ZNF394: variants seen among roughly 807,000 people sequenced by gnomAD.
ZNF394 encodes zinc finger protein 394.
Under a neutral mutation model 21.8 loss-of-function variants are expected in ZNF394, and 19 were observed. The observed-to-expected ratio is 0.87, with a 90% confidence interval of 0.61 to 1.28. The LOEUF (loss-of-function observed/expected upper bound fraction) is 1.28. Among genes scored for constraint, ZNF394 ranks in the 50% most tolerant of loss-of-function variants. The pLI is 0.00. For synonymous variants in ZNF394, 294 were observed against 273.3 expected (o/e 1.08, Z -0.75); for missense variants, 683 against 708.6 (o/e 0.96, Z 0.41).
Position 99,487,020 on chromosome 7 carries a change from G to T in ZNF394, n.84-57C>A, listed in dbSNP as rs768754181. ...GTGGAAAGTGTTTTCGGCAGCTCGC[G>T]TATCTTGTTGAACATAAGAGGATTC... On this transcript the variant is annotated intron_variant and non_coding_transcript_variant, in intron 1 of 1. Transcript: ENST00000462024. 40 of 1,613,824 alleles carry T rather than the reference G, an allele frequency of 2.5e-5. No homozygotes were observed. The South Asian group carries it at 4.4e-4, about 18-fold the overall frequency.
At chr7:99,490,843 T>C (rs1800147043), downstream of ZNF394, among the ~76,000 whole-genome samples, 1 of 151,932 alleles carries the variant, frequency 6.6e-6, no homozygotes, top group East Asian at 1.9e-4. Context: ...AGCGCAGCCA[T>C]CCTGAGATGG....
At chr7:99,490,023 T>C (rs1374077732), downstream of ZNF394, among the ~76,000 whole-genome samples, 1 of 151,612 alleles carries the variant, frequency 6.6e-6, no homozygotes, top group Non-Finnish European at 1.5e-5. Flanking sequence ...CAAACAAATA[T>C]TGCTCTCAGG....
chr7:99,499,567 C>A (rs985696603), intron 1 of ZNF394, 71 bp downstream of exon 1: 1 of 1,403,614 alleles, frequency 7.1e-7, no homozygotes, highest in East Asian at 2.3e-5. Flanking sequence ...AAGTAAGTTC[C>A]GAAACGCAGA....
intron 1 of ZNF394, chr7:99,487,248 TGGACAGTCCTTTGGTAGGAATGTG>T: frequency 6.2e-7 from 1 of 1,614,210 alleles, no homozygotes; most frequent in Non-Finnish European, 8.5e-7. Flanking sequence ...GCAGTGAATG[TGGACAGTCCTTTGGTAGGAATGTG>T]GATCTCATTC....
intron 2 of ZNF394, among the ~76,000 whole-genome samples, chr7:99,497,302 G>C (rs1253366630): frequency 6.6e-6 from 1 of 150,636 alleles, no homozygotes; most frequent in Non-Finnish European, 1.5e-5. Flanking sequence ...AGCCTCCCGA[G>C]TAGCTGGGAC....
downstream of ZNF394, among the ~76,000 whole-genome samples, chr7:99,489,987 A>G (rs1263269500): frequency 1.3e-5 from 2 of 151,662 alleles, no homozygotes; most frequent in African/African-American, 2.4e-5. Flanking sequence ...CCTGGGCGAC[A>G]GAGTGAGACC....
Position 99,494,401 on chromosome 7 carries a change from T to C in ZNF394, c.814A>G (p.Lys272Glu), listed in dbSNP as rs1011742042. The C allele has an allele frequency of 5.0e-6, 8 of 1,614,090 alleles. No individual in the cohort carries two copies. In the African/African-American group the frequency reaches 9.3e-5, roughly 19 times the overall value. Residue 272 changes from lysine (K) to glutamate (E), a missense_variant, in exon 3 of 3, where the codon AAG (lysine) becomes GAG (glutamate). Coordinates refer to ENST00000337673, the MANE Select transcript of ZNF394 (RefSeq NM_032164.4). The part of the protein sequence containing the change: ...EGLNSISDVN[K>E]NGSIEGEDSK... The stretch of plus-strand genomic sequence containing the variant: ...TCTTCCCCTTCTATGGAACCATTCT[T>C]ATTGACATCTGAGATGCTGTTGAGT...
At position 99,499,867 on chromosome 7, in the gene ZNF394, G is replaced by A. The variant is rs1169927932; in HGVS notation, c.227C>T (p.Ala76Val). The A allele has an allele frequency of 1.2e-6, 2 of 1,614,008 alleles. No individual in the cohort carries two copies. Among genetic ancestry groups the A allele is most frequent in the East Asian group, 2.2e-5 (1 of 44,894 alleles). ...CCGGCTCAGCGCCTCTTCCGGTCCA[G>A]CCACCTCCTGGTAACGCAGCTGCCT... ...HFRQLRYQEV[A>V]GPEEALSRLR... The change falls in exon 1 of 3, where the codon GCT becomes GTT. Residue 76 changes from alanine to valine, a missense_variant. By Grantham distance (64) the Ala-to-Val change is moderately conservative. This residue lies in a region of ZNF394 where 402 missense variants were observed against 373.8 expected (regional missense o/e 1.08). Transcript: ENST00000337673.
exon 2 of ZNF394, chr7:99,486,558 G>A (rs1799965742): frequency 1.2e-6 from 2 of 1,614,038 alleles, no homozygotes; most frequent in South Asian, 2.2e-5. Flanking sequence ...AGATATCAGT[G>A]GTAATGCAGG....
chr7:99,499,826 G>A lies in ZNF394; in HGVS notation c.268C>T (p.Arg90Cys). The change falls in exon 1 of 3, where the codon CGT becomes TGT. Residue 90 changes from arginine to cysteine, a missense_variant. Physicochemically the swap from Arg to Cys is radical, Grantham distance 180. Coordinates refer to ENST00000337673, the MANE Select transcript of ZNF394 (RefSeq NM_032164.4). ...EALSRLRELC[R>C]RWLRPELLSK... ...AGCAGCTCGGGTCTCAGCCACCGAC[G>A]ACAGAGTTCTCGGAGCCGGCTCAGC... The A allele has an allele frequency of 6.2e-7, 1 of 1,614,202 alleles. No homozygotes were observed. The highest frequency in any genetic ancestry group is 1.1e-5 in the South Asian group (1 of 91,088).
chr7:99,500,124 GTCT>G lies in ZNF394; in HGVS notation c.-34_-32del, dbSNP rs1183127543. Reference sequence around the variant, plus strand: ...TCCGGCATGTGCTGCCCTTCCTGGAGTCTTCTTTTCAGGTGAAGAAAGAGCAAA... The same window carrying G: ...TCCGGCATGTGCTGCCCTTCCTGGAGTCTTTTCAGGTGAAGAAAGAGCAAA... On this transcript the variant is annotated 5_prime_UTR_variant, in exon 1 of 3. Transcript: ENST00000337673. The G allele has an allele frequency of 1.3e-5, 19 of 1,512,692 alleles. No individual in the cohort carries two copies. Among genetic ancestry groups the G allele is most frequent in the East Asian group, 4.5e-5 (2 of 44,178 alleles). 93.7% of individuals were successfully genotyped at this position (1,512,692 alleles called of 1,614,324 possible). A position where few individuals can be genotyped will look rare whatever the true frequency, so the allele number is the denominator to read the frequency against.
At chr7:99,499,488 G>A in intron 1 of ZNF394, 150 bp downstream of exon 1, 1 of 673,812 alleles carries the variant, frequency 1.5e-6, no homozygotes, top group Non-Finnish European at 2.5e-6. Context: ...TTCCTGGATG[G>A]ATCTGTCACT....
rs772950215 is a variant in ZNF394 at position 99,494,671 on chromosome 7, G to A, written c.584-40C>T. The A allele has an allele frequency of 1.0e-5, 16 of 1,529,004 alleles. No individual in the cohort carries two copies. In the East Asian group the frequency reaches 3.6e-4, roughly 35 times the overall value. 94.7% of individuals were successfully genotyped at this position (1,529,004 alleles called of 1,614,324 possible). A position where few individuals can be genotyped will look rare whatever the true frequency, so the allele number is the denominator to read the frequency against. Reference sequence around the variant, plus strand: ...TACAAATTCCTGCCAGTGCATCCCTGTGCAACACAGAAATAAGCAAGTGCT... The same window carrying A: ...TACAAATTCCTGCCAGTGCATCCCTATGCAACACAGAAATAAGCAAGTGCT... On this transcript the variant is annotated intron_variant, in intron 2 of 2. Transcript: ENST00000337673.
chr7:99,494,006 CT>C lies in ZNF394; in HGVS notation c.1208del (p.Lys403SerfsTer15). On this transcript the variant is annotated frameshift_variant, in exon 3 of 3. Coordinates refer to ENST00000337673, the MANE Select transcript of ZNF394 (RefSeq NM_032164.4). LOFTEE classifies it low-confidence loss of function (END_TRUNC). ...KSFSQSAALT[K>X]HQRTHTGEKP... ...TCTCGCCTGTGTGTGTCCTCTGGTG[CT>C]TGGTCAGGGCAGCACTCTGGCTGAA... The C allele has an allele frequency of 6.2e-7, 1 of 1,614,124 alleles. No individual in the cohort carries two copies. The highest frequency in any genetic ancestry group is 8.5e-7 in the Non-Finnish European group (1 of 1,180,034).
intron 1 of ZNF394, chr7:99,487,692 A>C (rs1004881794): frequency 5.4e-6 from 3 of 556,240 alleles, no homozygotes; most frequent in Non-Finnish European, 9.1e-6. Flanking sequence ...CATCTCTACA[A>C]AAAATAACAA....
At chr7:99,487,684 T>G in intron 1 of ZNF394, 1 of 590,272 alleles carries the variant, frequency 1.7e-6, no homozygotes, top group Non-Finnish European at 2.8e-6. Context: ...TGAGATCCCA[T>G]CTCTACAAAA....
At chr7:99,498,875 G>C (rs766726159) in intron 1 of ZNF394, 33 bp from the exon 2 acceptor site, 10 of 1,598,658 alleles carry the variant, frequency 6.3e-6, no homozygotes, top group Non-Finnish European at 7.7e-6. Context: ...TTCAGTACCT[G>C]CTGTCCCTGT....
Position 99,500,052 on chromosome 7 carries a change from G to A in ZNF394, c.42C>T (p.Ala14=). 1.3e-6 allele frequency: 2 copies of A among 1,587,068 alleles called. No individual in the cohort carries two copies. The highest frequency in any genetic ancestry group is 2.2e-5 in the East Asian group (1 of 44,662). The stretch of plus-strand genomic sequence containing the variant: ...CAGCCATCACCCAGGGTCCCAACTC[G>A]GCGTCACTGCCGCGCCTCTGGGCGG... ...SLTAQRRGSD[A]ELGPWVMAAR... The change falls in exon 1 of 3, where the codon GCC becomes GCT. Residue 14 remains alanine (A), a synonymous_variant. Coordinates refer to ENST00000337673, the MANE Select transcript of ZNF394 (RefSeq NM_032164.4).
chr7:99,487,900 G>A (rs558413454), intron 1 of ZNF394, among the ~76,000 whole-genome samples: 119 of 151,898 alleles, frequency 7.8e-4, no homozygotes, highest in African/African-American at 2.7e-3. Context: ...GTGAAACCCC[G>A]TTTCCACTAA....
Sources: gnomAD v4.1 joint callset for allele counts (sites outside exome capture counted in the v4.1 genomes callset) on GRCh38, gnomAD v4.1.1 for gene constraint, gnomAD v4.1.1 regional missense constraint, MANE v1.5 for transcripts, NCBI Gene and HGNC (gene_info 2026-07-23, HGNC 2026-07-21) for gene names.